Variants in RBM20 observed in about 807,000 individuals in gnomAD.
RBM20 encodes the protein RNA-binding protein 20.
In RBM20, 51 loss-of-function variants were observed where a neutral mutation model predicts 110.1. That is an observed-to-expected ratio of 0.46 (90% CI 0.37 to 0.59). The LOEUF is 0.59. RBM20 is among the 20% of genes least tolerant of loss of function. The probability of loss-of-function intolerance (pLI) is 0.00; values close to 1 mark genes in which losing one functional copy is unlikely to be tolerated. For missense variants in RBM20, 1,512 were observed against 1,574.9 expected, an observed-to-expected ratio of 0.96 and a Z score of 0.68; for synonymous variants, 589 against 618.2, an observed-to-expected ratio of 0.95 and a Z score of 0.70.
chr10:110,805,154 T>A (rs1844678828), intron 7 of RBM20, among the ~76,000 whole-genome samples: 1 of 152,196 alleles, frequency 6.6e-6, no homozygotes, highest in South Asian at 2.1e-4. Context: ...AAATTATTCT[T>A]GTGCAAAATT....
At chr10:110,677,492 G>A (rs1308637747) in intron 1 of RBM20, among the ~76,000 whole-genome samples, 1 of 151,970 alleles carries the variant, frequency 6.6e-6, no homozygotes, top group African/African-American at 2.4e-5. Flanking sequence ...CTAATTTTTT[G>A]TATTTTTAGT....
At chr10:110,777,575 C>G (rs1166819822) in intron 1 of RBM20, among the ~76,000 whole-genome samples, 3 of 152,062 alleles carry the variant, frequency 2.0e-5, no homozygotes, top group African/African-American at 7.2e-5. Flanking sequence ...AGAAGAAAAC[C>G]TGGTTAGTTT....
rs528612402 is a variant in RBM20 at position 110,650,645 on chromosome 10, G to T, written c.191+6000G>T. Among the ~76,000 whole-genome samples, 200 of 152,188 alleles carry T rather than the reference G, an allele frequency of 1.3e-3. 1 individual carries two copies. Among genetic ancestry groups the T allele is most frequent in the African/African-American group, 4.6e-3 (193 of 41,514 alleles). ...CTTTTCTTTGCACCTGCTTTCTCTT[G>T]ATCACACTAATGACCCATCAGTTCT... On this transcript the variant is annotated intron_variant, in intron 1 of 13. Transcript: ENST00000369519.
chr10:110,835,982 T>C lies in RBM20; in HGVS notation c.*4T>C, dbSNP rs940310736. Reference sequence around the variant, plus strand: ...CTTCGAAAGGAAAAAGCTCTGATGCTTCTGCTTCTGCTGCTACTGCTGCTG... The same window carrying C: ...CTTCGAAAGGAAAAAGCTCTGATGCCTCTGCTTCTGCTGCTACTGCTGCTG... On this transcript the variant is annotated 3_prime_UTR_variant, in exon 14 of 14. Coordinates refer to ENST00000369519, the MANE Select transcript of RBM20 (RefSeq NM_001134363.3). The C allele has an allele frequency of 1.9e-6, 2 of 1,028,920 alleles. No homozygotes were observed. The highest frequency in any genetic ancestry group is 2.9e-6 in the Non-Finnish European group (2 of 685,136). 63.7% of individuals were successfully genotyped at this position (1,028,920 alleles called of 1,614,324 possible). A position where few individuals can be genotyped will look rare whatever the true frequency, so the allele number is the denominator to read the frequency against.
At chr10:110,777,241 G>A (rs1289248658) in intron 1 of RBM20, among the ~76,000 whole-genome samples, 1 of 152,224 alleles carries the variant, frequency 6.6e-6, no homozygotes, top group Non-Finnish European at 1.5e-5. Context: ...CACAGGATGT[G>A]CTGAGTGATA....
In RBM20 at chr10:110,660,008, G is replaced by A. The variant is rs1319564409; in HGVS notation, c.191+15363G>A. On this transcript the variant is annotated intron_variant, in intron 1 of 13. Transcript: ENST00000369519. ...TTTTTTGTATTTTTTTGTAGAGTCC[G>A]GTTTTCACCATGTTGCTCAGTCTGG... is the stretch of plus-strand genomic sequence containing the variant. Among the ~76,000 whole-genome samples the A allele has an allele frequency of 5.3e-5, 8 of 151,620 alleles. No homozygotes were observed. The South Asian group carries it at 1.0e-3, about 20-fold the overall frequency.
At chr10:110,824,595 G>A (rs919981960) in intron 12 of RBM20, among the ~76,000 whole-genome samples, 1 of 152,170 alleles carries the variant, frequency 6.6e-6, no homozygotes, top group South Asian at 2.1e-4. Flanking sequence ...TGGGGAGGGA[G>A]TTTACTGATG....
At chr10:110,769,614 A>G (rs1844157996) in intron 1 of RBM20, among the ~76,000 whole-genome samples, 1 of 152,108 alleles carries the variant, frequency 6.6e-6, no homozygotes, top group Admixed American at 6.5e-5. Flanking sequence ...TTATTTTTAC[A>G]TTGTCTGAAA....
chr10:110,821,435 A>G lies in RBM20; in HGVS notation c.2816A>G (p.Asp939Gly). The change falls in exon 11 of 14, where the codon GAC becomes GGC. Residue 939 changes from aspartate to glycine, a missense_variant. Transcript: ENST00000369519. Reference protein sequence around the residue: ...LEEIVPIDQKDKICPETCLCV... With the variant: ...LEEIVPIDQKGKICPETCLCV... The stretch of plus-strand genomic sequence containing the variant: ...GAAATTGTGCCCATTGACCAGAAAG[A>G]CAAAATTTGCCCAGAAACATGTCTG... The G allele has an allele frequency of 1.3e-6, 2 of 1,551,782 alleles. No individual in the cohort carries two copies. Among genetic ancestry groups the G allele is most frequent in the Non-Finnish European group, 1.7e-6 (2 of 1,147,024 alleles).
chr10:110,677,667 AT>A (rs1862359062), intron 1 of RBM20, among the ~76,000 whole-genome samples: 1 of 152,190 alleles, frequency 6.6e-6, no homozygotes, highest in Non-Finnish European at 1.5e-5. Context: ...GCACAGAACT[AT>A]TTGGTGCTAA....
rs1057523887 is a variant in RBM20 at position 110,812,611 on chromosome 10, G to A, written c.2214G>A (p.Pro738=). 13 of 1,551,534 alleles carry A rather than the reference G, an allele frequency of 8.4e-6. No individual in the cohort carries two copies. Among genetic ancestry groups the A allele is most frequent in the African/African-American group, 6.8e-5 (5 of 73,048 alleles). The change falls in exon 9 of 14, where the codon CCG becomes CCA. Residue 738 remains proline (P), a synonymous_variant. Transcript: ENST00000369519. Reference sequence around the variant, plus strand: ...GGAGGCCCCACCGGGAGAAGTACCCGAGATCTGGGTCTCCCAACCTGCCCC... The same window carrying A: ...GGAGGCCCCACCGGGAGAAGTACCCAAGATCTGGGTCTCCCAACCTGCCCC... The part of the protein sequence containing the change: ...EGGRPHREKY[P]RSGSPNLPHS...
At chr10:110,825,819 C>A (rs34325686) in intron 12 of RBM20, among the ~76,000 whole-genome samples, 38,072 of 152,060 alleles carry the variant, frequency 0.25, 5,423 homozygotes, top group Non-Finnish European at 0.32. Context: ...ACATTTAACC[C>A]TCTCAAAACA....
intron 1 of RBM20, among the ~76,000 whole-genome samples, chr10:110,732,158 G>A (rs774227536): frequency 3.3e-5 from 5 of 151,776 alleles, no homozygotes; most frequent in Non-Finnish European, 5.9e-5. Context: ...CTTATACATA[G>A]CATCCTTCAA....
chr10:110,651,259 A>G (rs1414686963), intron 1 of RBM20, among the ~76,000 whole-genome samples: 3 of 152,248 alleles, frequency 2.0e-5, no homozygotes, highest in South Asian at 2.1e-4. Flanking sequence ...ACACAGGTAC[A>G]TATTTGTGAC....
chr10:110,810,349 T>C (rs1215960229), intron 7 of RBM20, 34 bp from the exon 8 acceptor site: 2 of 1,512,506 alleles, frequency 1.3e-6, no homozygotes, highest in Admixed American at 3.9e-5. Context: ...CAAGGCCATC[T>C]CTGATCTGAT....
chr10:110,727,329 G>A (rs1198886890), intron 1 of RBM20, among the ~76,000 whole-genome samples: 1 of 147,824 alleles, frequency 6.8e-6, no homozygotes, highest in Non-Finnish European at 1.5e-5. Flanking sequence ...TGTCAGGTGT[G>A]GGCTGCAATT....
rs1335953528 is a variant in RBM20 at position 110,812,910 on chromosome 10, C to T, written c.2513C>T (p.Ala838Val). The change falls in exon 9 of 14, where the codon GCT (alanine) becomes GTT (valine). Residue 838 changes from alanine to valine, a missense_variant. This residue lies in a region of RBM20 where 1,149 missense variants were observed against 1,169.4 expected (regional missense o/e 0.98). Transcript: ENST00000369519. ...TKRTDRDQEG[A>V]DDRKENTMAE... ...AGAACTGATAGAGACCAAGAAGGAG[C>T]TGATGATAGAAAAGAAAACACAATG... is the stretch of plus-strand genomic sequence containing the variant. 2 of 1,453,876 alleles carry T rather than the reference C, an allele frequency of 1.4e-6. No individual in the cohort carries two copies. The highest frequency in any genetic ancestry group is 9.1e-7 in the Non-Finnish European group (1 of 1,101,912). The allele number at this position is 1,453,876 out of a possible 1,614,324, so 90.1% of individuals were successfully genotyped here. A position where few individuals can be genotyped will look rare whatever the true frequency, so the allele number is the denominator to read the frequency against.
intron 7 of RBM20, among the ~76,000 whole-genome samples, chr10:110,806,267 C>CAAA (rs34718509): frequency 3.9e-5 from 5 of 128,000 alleles, no homozygotes; most frequent in South Asian, 2.5e-4. Context: ...GACTCCGTCT[C>CAAA]AAAAAAAAAA....
chr10:110,800,411 A>T (rs951001095), intron 7 of RBM20, among the ~76,000 whole-genome samples: 1 of 152,200 alleles, frequency 6.6e-6, no homozygotes, highest in Non-Finnish European at 1.5e-5. Context: ...GATGCATTCA[A>T]ATAGTTCCAA....
Sources: gnomAD v4.1 joint callset for allele counts (sites outside exome capture counted in the v4.1 genomes callset) on GRCh38, gnomAD v4.1.1 for gene constraint, gnomAD v4.1.1 regional missense constraint, MANE v1.5 for transcripts, NCBI Gene and HGNC (gene_info 2026-07-23, HGNC 2026-07-21) for gene names.